The following PLA2G10 variants were observed in gnomAD, a reference collection of about 807,000 sequenced individuals.
The protein encoded by PLA2G10 is phospholipase A2 group X.
Under a neutral mutation model 7.9 loss-of-function variants are expected in PLA2G10, and 9 were observed. That is an observed-to-expected ratio of 1.14 (90% CI 0.68 to 1.98). The LOEUF (loss-of-function observed/expected upper bound fraction) is 1.98. PLA2G10 is among the 30% of genes most tolerant of loss of function. The pLI, the probability that PLA2G10 is intolerant of heterozygous loss-of-function variation, is 0.00. For missense variants in PLA2G10, 53 were observed against 65.4 expected (o/e 0.81, Z 0.66); for synonymous variants, 19 against 27.5 (o/e 0.69, Z 0.97).
At chr16:14,679,456 T>C (rs866858310) in intron 3 of PLA2G10, among the ~76,000 whole-genome samples, 32 of 151,960 alleles carry the variant, frequency 2.1e-4, no homozygotes, top group African/African-American at 7.5e-4. Flanking sequence ...GGTCAGGAGT[T>C]CAAGAACAGC....
chr16:14,678,896 C>T (rs1234758358), intron 3 of PLA2G10: 1 of 248,130 alleles, frequency 4.0e-6, no homozygotes, highest in Non-Finnish European at 8.3e-6. Context: ...GACATCATCC[C>T]CTACTTCTGT....
chr16:14,686,253 C>G (rs775379986), intron 3 of PLA2G10, among the ~76,000 whole-genome samples: 5 of 151,584 alleles, frequency 3.3e-5, no homozygotes, highest in African/African-American at 2.4e-5. Flanking sequence ...CTTGAGATTA[C>G]AGGAGTGAGC....
intron 3 of PLA2G10, among the ~76,000 whole-genome samples, chr16:14,679,348 G>C (rs1431945608): frequency 6.6e-6 from 1 of 151,810 alleles, no homozygotes; most frequent in Non-Finnish European, 1.5e-5. Flanking sequence ...AACCTAGGCA[G>C]CATAGCAAGA....
intron 3 of PLA2G10, among the ~76,000 whole-genome samples, chr16:14,686,610 C>G (rs1298508169): frequency 6.6e-6 from 1 of 152,136 alleles, no homozygotes. Context: ...AAGTGATTCT[C>G]CTGCGTCAGA....
chr16:14,685,530 G>A (rs1244047184), intron 3 of PLA2G10, among the ~76,000 whole-genome samples: 1 of 152,084 alleles, frequency 6.6e-6, no homozygotes, highest in Non-Finnish European at 1.5e-5. Flanking sequence ...CCAGGTGTTG[G>A]TGGTAGGGAG....
intron 3 of PLA2G10, among the ~76,000 whole-genome samples, chr16:14,675,985 A>C (rs1422123852): frequency 1.3e-5 from 2 of 152,026 alleles, no homozygotes; most frequent in Non-Finnish European, 2.9e-5. Flanking sequence ...CATTTCTCAA[A>C]ATATATATAA....
chr16:14,673,016 C>CTTTTTTTTTTTTTTTT (rs1293093227), intron 3 of PLA2G10, among the ~76,000 whole-genome samples: 2 of 128,562 alleles, frequency 1.6e-5, no homozygotes, highest in Non-Finnish European at 3.3e-5. Flanking sequence ...TTTTTCTTTT[C>CTTTTTTTTTTTTTTTT]TTTTTTTTTT....
At chr16:14,683,414 TTAG>T (rs1173175837) in intron 3 of PLA2G10, among the ~76,000 whole-genome samples, 1 of 151,728 alleles carries the variant, frequency 6.6e-6, no homozygotes, top group Non-Finnish European at 1.5e-5. Context: ...TTTTTGTATC[TTAG>T]TAGAGATGGG....
intron 3 of PLA2G10, among the ~76,000 whole-genome samples, chr16:14,681,517 C>T (rs1354005279): frequency 3.9e-5 from 6 of 151,944 alleles, no homozygotes; most frequent in African/African-American, 1.2e-4. Flanking sequence ...GATGGCATCA[C>T]ATTTTGAAGA....
rs190905817 is a variant in PLA2G10 at position 14,685,296 on chromosome 16, C to T, written c.355+2869G>A. Among the ~76,000 whole-genome samples the T allele has an allele frequency of 4.6e-4, 69 of 150,810 alleles. 1 individual carries two copies. Among genetic ancestry groups the T allele is most frequent in the Middle Eastern group, 3.4e-3 (1 of 292 alleles). ...CTGAGGCAGGAGAATCGCTTGAACC[C>T]GGGAGGCGGAGGTTGCAGTAAGCCG... is the stretch of plus-strand genomic sequence containing the variant. On this transcript the variant is annotated intron_variant, in intron 3 of 3. Coordinates refer to ENST00000438167, the MANE Select transcript of PLA2G10 (RefSeq NM_003561.3).
chr16:14,685,644 G>A (rs1961034877), intron 3 of PLA2G10, among the ~76,000 whole-genome samples: 1 of 152,074 alleles, frequency 6.6e-6, no homozygotes, highest in African/African-American at 2.4e-5. Context: ...AAGTATCACT[G>A]AATTATACAC....
chr16:14,686,345 C>T (rs1194393804), intron 3 of PLA2G10, among the ~76,000 whole-genome samples: 4 of 152,130 alleles, frequency 2.6e-5, no homozygotes, highest in Non-Finnish European at 4.4e-5. Flanking sequence ...TGGATCATGA[C>T]TAGCTCTTCA....
At chr16:14,687,383 C>G (rs990214345) in intron 3 of PLA2G10, among the ~76,000 whole-genome samples, 9 of 145,744 alleles carry the variant, frequency 6.2e-5, no homozygotes, top group Non-Finnish European at 1.2e-4. Flanking sequence ...GGCTGGAGTG[C>G]TGTGACTCGA....
At chr16:14,679,202 C>G (rs1960812056) in intron 3 of PLA2G10, among the ~76,000 whole-genome samples, 1 of 152,104 alleles carries the variant, frequency 6.6e-6, no homozygotes, top group Non-Finnish European at 1.5e-5. Context: ...CATTTAGTAC[C>G]TTCACAATGC....
chr16:14,682,438 G>C (rs920213899), intron 3 of PLA2G10, among the ~76,000 whole-genome samples: 1 of 152,042 alleles, frequency 6.6e-6, no homozygotes, highest in East Asian at 1.9e-4. Flanking sequence ...AGCTGGGCAT[G>C]GTGGTGTGCA....
At chr16:14,686,713 T>C (rs1961077776) in intron 3 of PLA2G10, among the ~76,000 whole-genome samples, 1 of 152,078 alleles carries the variant, frequency 6.6e-6, no homozygotes, top group African/African-American at 2.4e-5. Context: ...GAGGCTGCTC[T>C]CAAACTCCTG....
At chr16:14,678,490 C>T (rs1190638332) in intron 3 of PLA2G10, among the ~76,000 whole-genome samples, 2 of 152,134 alleles carry the variant, frequency 1.3e-5, no homozygotes, top group Non-Finnish European at 2.9e-5. Context: ...ATATCAAGGC[C>T]GAGTGTGGTG....
chr16:14,683,923 A>G (rs1283408301), intron 3 of PLA2G10, among the ~76,000 whole-genome samples: 1 of 152,176 alleles, frequency 6.6e-6, no homozygotes, highest in African/African-American at 2.4e-5. Context: ...ATCGGGTAAG[A>G]GTCAGTATCC....
intron 3 of PLA2G10, among the ~76,000 whole-genome samples, chr16:14,676,488 C>T (rs1960729343): frequency 6.6e-6 from 1 of 152,028 alleles, no homozygotes; most frequent in Non-Finnish European, 1.5e-5. Context: ...AGACCAGCCT[C>T]ACCAATATGG....
Sources: allele counts gnomAD v4.1 joint callset (sites outside exome capture counted in the v4.1 genomes callset), GRCh38; gene constraint gnomAD v4.1.1; transcripts MANE v1.5; gene names NCBI Gene and HGNC (gene_info 2026-07-23, HGNC 2026-07-21).